Variants in ACTN2 observed in about 807,000 individuals in gnomAD.
ACTN2 encodes the protein actinin alpha 2, also known as alpha-actinin-2.
Under a neutral mutation model 113.8 loss-of-function variants are expected in ACTN2, and 39 were observed. The ratio of observed to expected loss-of-function variants is 0.34; its 90% CI spans 0.27 to 0.45. The LOEUF (loss-of-function observed/expected upper bound fraction) is 0.45. Ranked by LOEUF, ACTN2 falls within the 20% of genes least tolerant of loss-of-function variation. The probability of loss-of-function intolerance (pLI) is 1.00; values close to 1 mark genes in which losing one functional copy is unlikely to be tolerated. For synonymous variants in ACTN2, 429 were observed against 444.1 expected, an observed-to-expected ratio of 0.97 and a Z score of 0.43; for missense variants, 992 against 1,177.9, an observed-to-expected ratio of 0.84 and a Z score of 2.31.
At position 236,717,947 on chromosome 1, in the gene ACTN2, C is replaced by T. The variant is rs1572112476; in HGVS notation, c.216C>T (p.Leu72=). 6.2e-7 allele frequency: 1 copy of T among 1,614,042 alleles called. No homozygotes were observed. The change falls in exon 2 of 21, where the codon CTC becomes CTT. Residue 72 remains leucine, a synonymous_variant. Transcript: ENST00000366578. ...IEEDFRNGLK[L]MLLLEVISGE... is the part of the protein sequence containing the mutation. ...AAGACTTCAGGAATGGCCTTAAGCT[C>T]ATGCTGCTTTTGGAAGTCATCTCAG...
At position 236,764,065 on chromosome 1, in the gene ACTN2, A is replaced by G. The variant is rs1226966979; in HGVS notation, c.*1446A>G. 1 of 152,220 alleles carries G rather than the reference A, an allele frequency of 6.6e-6. No individual in the cohort carries two copies. The allele number at this position is 152,220 out of a possible 1,614,324, so 9.4% of individuals were successfully genotyped here. A position where few individuals can be genotyped will look rare whatever the true frequency, so the allele number is the denominator to read the frequency against. Reference sequence around the variant, plus strand: ...TCTGTTACCTACAGTCTGTTTGCTCAGATTTTTATAGATTTCCACCAACAG... The same window carrying G: ...TCTGTTACCTACAGTCTGTTTGCTCGGATTTTTATAGATTTCCACCAACAG... On this transcript the variant is annotated 3_prime_UTR_variant, in exon 21 of 21. Coordinates refer to ENST00000366578, the MANE Select transcript of ACTN2 (RefSeq NM_001103.4).
rs144553482 is a variant in ACTN2, at chr1:236,749,127, A to G, written c.1519A>G (p.Met507Val). Reference sequence around the variant, plus strand: ...CTTGCTTCTCTTTATTCTTTAGAGAATGGAGAAATTGCTAGAAACCATTGA... The same window carrying G: ...CTTGCTTCTCTTTATTCTTTAGAGAGTGGAGAAATTGCTAGAAACCATTGA... Reference protein sequence around the residue: ...TQKRREALERMEKLLETIDQL... With the variant: ...TQKRREALERVEKLLETIDQL... The change falls in exon 14 of 21, where the codon ATG becomes GTG. Residue 507 changes from methionine to valine, a missense_variant. Met to Val is a conservative substitution (Grantham distance 21). Around this residue, in one of 3 missense-constraint regions of ACTN2, gnomAD observed 736 missense variants for 815.4 expected, o/e 0.90. Transcript: ENST00000366578. The G allele has an allele frequency of 7.7e-5, 124 of 1,614,192 alleles. 1 individual carries two copies. The African/African-American group carries it at 1.6e-3, about 21-fold the overall frequency.
At position 236,757,022 on chromosome 1, in the gene ACTN2, G is replaced by A. The variant is rs78507180; in HGVS notation, c.2155-464G>A. On this transcript the variant is annotated intron_variant, in intron 17 of 20. Coordinates refer to ENST00000366578, the MANE Select transcript of ACTN2 (RefSeq NM_001103.4). ...ATAGAGTATATACTACAGAGTGCCC[G>A]CTGCCACTGTTAGAACCCTGGTAAT... 1.1e-3 allele frequency among the ~76,000 whole-genome samples: 14 copies of A among 13,220 alleles called. 2 individuals are homozygous for A. In the East Asian group the frequency reaches 0.024, roughly 23 times the overall value. The allele number at this position is 13,220 out of a possible 152,430, so 8.7% of individuals were successfully genotyped here.
At chr1:236,750,858 C>T (rs180874144) in intron 14 of ACTN2, among the ~76,000 whole-genome samples, 20 of 151,888 alleles carry the variant, frequency 1.3e-4, no homozygotes, top group Admixed American at 1.3e-4. Context: ...GGAGGCCAGG[C>T]GGGGAGGATC....
chr1:236,726,398 G>A (rs1658551997), intron 5 of ACTN2, among the ~76,000 whole-genome samples: 1 of 152,160 alleles, frequency 6.6e-6, no homozygotes, highest in Admixed American at 6.5e-5. Flanking sequence ...CCCCACTAGC[G>A]ACTCTTCAGC....
At chr1:236,707,709 C>CTT (rs5781919) in intron 1 of ACTN2, among the ~76,000 whole-genome samples, 4 of 78,748 alleles carry the variant, frequency 5.1e-5, no homozygotes, top group African/African-American at 1.5e-4. Context: ...TCTTTTTTTT[C>CTT]TTTTTTTTTT....
rs1465770912 is a variant in ACTN2 at position 236,737,318 on chromosome 1, T to TATATATATATATATATATATATATA, written c.876+104_876+105insATATATATATATATATATATATATA. ...GGGGGCATATATATATATATATATA[T>TATATATATATATATATATATATATA]TTTGCATTTTTCATCTCAGATAGGA... On this transcript the variant is annotated intron_variant, in intron 9 of 20. Coordinates refer to ENST00000366578, the MANE Select transcript of ACTN2 (RefSeq NM_001103.4). 340 of 296,360 alleles carry TATATATATATATATATATATATATA rather than the reference T, an allele frequency of 1.1e-3. 58 individuals carry two copies. Among genetic ancestry groups the TATATATATATATATATATATATATA allele is most frequent in the Middle Eastern group, 2.1e-3 (2 of 940 alleles). The allele number at this position is 296,360 out of a possible 1,614,324, so 18.4% of individuals were successfully genotyped here.
At chr1:236,723,671 G>C (rs1277675989) in intron 4 of ACTN2, among the ~76,000 whole-genome samples, 1 of 152,038 alleles carries the variant, frequency 6.6e-6, no homozygotes, top group Non-Finnish European at 1.5e-5. Flanking sequence ...CGCCATCTTG[G>C]GTCTTGAACT....
rs1174348072 is a variant in ACTN2 at position 236,686,607 on chromosome 1, C to A, written c.-67C>A. On this transcript the variant is annotated 5_prime_UTR_variant, in exon 1 of 21. Transcript: ENST00000366578. ...CCGCCGCCCGCCGCCTCCGTGGGTC[C>A]GTTTGCCAGTCAGCCCGTGCGTCCG... 11 of 1,489,848 alleles carry A rather than the reference C, an allele frequency of 7.4e-6. No individual in the cohort carries two copies. The highest frequency in any genetic ancestry group is 1.5e-5 in the African/African-American group (1 of 68,398). The allele number at this position is 1,489,848 out of a possible 1,614,324, so 92.3% of individuals were successfully genotyped here.
rs780923255 is a variant in ACTN2 at position 236,749,211 on chromosome 1, G to T, written c.1603G>T (p.Ala535Ser). Residue 535 changes from alanine to serine, a missense_variant, in exon 14 of 21, where the codon GCT becomes TCT. By Grantham distance (99) the Ala-to-Ser change is moderately conservative. Coordinates refer to ENST00000366578, the MANE Select transcript of ACTN2 (RefSeq NM_001103.4). ...TCCTTTCAACAATTGGATGGAGGGC[G>T]CTATGGAGGATCTGCAAGATATGTT... ...AAPFNNWMEG[A>S]MEDLQDMFIV... 2 of 1,614,194 alleles carry T rather than the reference G, an allele frequency of 1.2e-6. No homozygotes were observed. The highest frequency in any genetic ancestry group is 1.7e-5 in the Admixed American group (1 of 60,024).
chr1:236,748,520 C>T (rs1310564707), intron 13 of ACTN2, among the ~76,000 whole-genome samples: 3 of 152,158 alleles, frequency 2.0e-5, no homozygotes, highest in African/African-American at 7.2e-5. Flanking sequence ...GAGATGCCTT[C>T]CCCTTCTGCC....
At chr1:236,731,985 T>G (rs707206) in intron 7 of ACTN2, among the ~76,000 whole-genome samples, 60,221 of 152,108 alleles carry the variant, frequency 0.4, 12,935 homozygotes, top group African/African-American at 0.55. Context: ...GTGGACACCA[T>G]TCGTTCATTT....
chr1:236,689,335 A>G (rs1398163517), intron 1 of ACTN2, among the ~76,000 whole-genome samples: 2 of 35,784 alleles, frequency 5.6e-5, no homozygotes, highest in African/African-American at 9.7e-5. Context: ...ATATATATAT[A>G]TATACACACA....
chr1:236,735,750 G>A, intron 8 of ACTN2, 30 bp downstream of exon 8: 1 of 1,594,254 alleles, frequency 6.3e-7, no homozygotes, highest in Non-Finnish European at 8.6e-7. Context: ...CCGGGCTGTT[G>A]TGTTACTCTC....
intron 7 of ACTN2, chr1:236,734,590 C>G (rs1658810414): frequency 1.7e-6 from 2 of 1,155,280 alleles, no homozygotes; most frequent in African/African-American, 1.5e-5. Context: ...AATTGTTTTC[C>G]TCTTTTTTCC....
chr1:236,733,952 G>C (rs34574589), intron 7 of ACTN2, among the ~76,000 whole-genome samples: 1 of 152,112 alleles, frequency 6.6e-6, no homozygotes, highest in African/African-American at 2.4e-5. Context: ...CTTTTACAAG[G>C]TTGTAAAAAT....
At chr1:236,729,988 A>G (rs1364447661) in intron 6 of ACTN2, among the ~76,000 whole-genome samples, 2 of 152,248 alleles carry the variant, frequency 1.3e-5, no homozygotes, top group African/African-American at 4.8e-5. Flanking sequence ...ATAAACATAC[A>G]TGTATATTCA....
intron 4 of ACTN2, among the ~76,000 whole-genome samples, chr1:236,725,241 C>T (rs1658513789): frequency 6.6e-6 from 1 of 152,196 alleles, no homozygotes; most frequent in African/African-American, 2.4e-5. Context: ...TCAGCATCCA[C>T]AGCCTCCTTT....
At chr1:236,700,041 C>A (rs1657627854) in intron 1 of ACTN2, among the ~76,000 whole-genome samples, 1 of 152,170 alleles carries the variant, frequency 6.6e-6, no homozygotes, top group Non-Finnish European at 1.5e-5. Flanking sequence ...AGGTCTGCTT[C>A]ACCTGTACAC....
Sources: gnomAD v4.1 joint callset for allele counts (sites outside exome capture counted in the v4.1 genomes callset) on GRCh38, gnomAD v4.1.1 for gene constraint, gnomAD v4.1.1 regional missense constraint, MANE v1.5 for transcripts, NCBI Gene and HGNC (gene_info 2026-07-23, HGNC 2026-07-21) for gene names.